The following SMURF2 variants were observed in gnomAD, a reference collection of about 807,000 sequenced individuals.
The protein encoded by SMURF2 is E3 ubiquitin-protein ligase SMURF2.
SMURF2 carries 48 observed loss-of-function variants against 109.6 expected under a neutral mutation model. That is an observed-to-expected ratio of 0.44 (90% CI 0.35 to 0.56). The LOEUF (loss-of-function observed/expected upper bound fraction) is 0.56. Ranked by LOEUF, SMURF2 falls within the 20% of genes least tolerant of loss-of-function variation. SMURF2 has a pLI of 0.01. For synonymous variants in SMURF2, 288 were observed against 317.1 expected, an observed-to-expected ratio of 0.91 and a Z score of 0.97; for missense variants, 575 against 909.0, an observed-to-expected ratio of 0.63 and a Z score of 4.72.
At chr17:64,588,258 A>G (rs1388483876) in intron 5 of SMURF2, among the ~76,000 whole-genome samples, 9 of 152,190 alleles carry the variant, frequency 5.9e-5, no homozygotes, top group African/African-American at 2.2e-4. Flanking sequence ...CAGCCTCCCA[A>G]TGTAGCTGGG....
chr17:64,563,380 A>G (rs1038206871), intron 10 of SMURF2, among the ~76,000 whole-genome samples: 1 of 152,210 alleles, frequency 6.6e-6, no homozygotes, highest in Non-Finnish European at 1.5e-5. Context: ...CCTTCTTTTT[A>G]TACACCAGGC....
At chr17:64,610,054 G>A (rs1437424435) in intron 1 of SMURF2, among the ~76,000 whole-genome samples, 1 of 152,096 alleles carries the variant, frequency 6.6e-6, no homozygotes, top group Non-Finnish European at 1.5e-5. Context: ...AAACCACAAT[G>A]AGATACCATC....
intron 1 of SMURF2, among the ~76,000 whole-genome samples, chr17:64,623,043 C>T (rs971244177): frequency 6.6e-6 from 1 of 152,058 alleles, no homozygotes; most frequent in East Asian, 1.9e-4. Flanking sequence ...TCCATTGGTT[C>T]GTGTGTTCCT....
At chr17:64,661,207 A>G (rs1201183360) in intron 1 of SMURF2, among the ~76,000 whole-genome samples, 1 of 152,108 alleles carries the variant, frequency 6.6e-6, no homozygotes, top group Non-Finnish European at 1.5e-5. Flanking sequence ...GTGTACAATG[A>G]GCCCAAGCCG....
chr17:64,644,310 T>G (rs1421404084), intron 1 of SMURF2, among the ~76,000 whole-genome samples: 8 of 151,974 alleles, frequency 5.3e-5, no homozygotes, highest in Admixed American at 4.6e-4. Context: ...AGCACCAAGC[T>G]TGGTGGCTCA....
At chr17:64,661,727 C>A in intron 1 of SMURF2, 102 bp downstream of exon 1, 1 of 809,632 alleles carries the variant, frequency 1.2e-6, no homozygotes, top group Non-Finnish European at 1.6e-6. Flanking sequence ...CGACCCCCAA[C>A]TCATCATTGA....
chr17:64,581,089 A>C lies in SMURF2; in HGVS notation c.570-98T>G. 1 of 1,063,280 alleles carries C rather than the reference A, an allele frequency of 9.4e-7. No individual in the cohort carries two copies. The highest frequency in any genetic ancestry group is 1.4e-6 in the Non-Finnish European group (1 of 720,008). 65.9% of individuals were successfully genotyped at this position (1,063,280 alleles called of 1,614,324 possible). Reference sequence around the variant, plus strand: ...TATACTGCAGTAACAACCACTTATCATGTCTGAAAACAGAATGACTAATAC... The same window carrying C: ...TATACTGCAGTAACAACCACTTATCCTGTCTGAAAACAGAATGACTAATAC... On this transcript the variant is annotated intron_variant, in intron 7 of 18. Transcript: ENST00000262435. The surrounding 1 kb of genome is among the most constrained non-coding windows in gnomAD (Gnocchi z 4.3).
intron 1 of SMURF2, among the ~76,000 whole-genome samples, chr17:64,631,091 CA>C (rs1456858143): frequency 6.6e-6 from 1 of 151,438 alleles, no homozygotes; most frequent in Non-Finnish European, 1.5e-5. Flanking sequence ...CACTTGAGTC[CA>C]GGAGTGCAAG....
intron 1 of SMURF2, among the ~76,000 whole-genome samples, chr17:64,661,379 C>T (rs1252271903): frequency 1.3e-5 from 2 of 152,100 alleles, no homozygotes; most frequent in African/African-American, 4.8e-5. Context: ...GGAACACACA[C>T]GCACACCCTC....
At chr17:64,546,973 C>T (rs945999276) in intron 17 of SMURF2, among the ~76,000 whole-genome samples, 2 of 151,716 alleles carry the variant, frequency 1.3e-5, no homozygotes, top group Non-Finnish European at 2.9e-5. Flanking sequence ...TGTCCTTATT[C>T]ATCACCAGCA....
chr17:64,657,392 C>T (rs1184167737), intron 1 of SMURF2, among the ~76,000 whole-genome samples: 13 of 151,884 alleles, frequency 8.6e-5, no homozygotes, highest in Non-Finnish European at 4.4e-5. Flanking sequence ...AAGACTCTCA[C>T]CAAAAAAGGC....
chr17:64,572,755 C>G (rs1168445142), intron 9 of SMURF2: 3 of 152,260 alleles, frequency 2.0e-5, no homozygotes, highest in Admixed American at 6.5e-5. Flanking sequence ...GCCCTCCCCC[C>G]ATACTGTGTC....
chr17:64,563,079 G>T, intron 10 of SMURF2, 113 bp from the exon 11 acceptor site: 1 of 971,670 alleles, frequency 1.0e-6, no homozygotes, highest in Non-Finnish European at 1.5e-6. Context: ...CATTTTCCAA[G>T]CCTTAGTAGA....
intron 1 of SMURF2, among the ~76,000 whole-genome samples, chr17:64,645,117 G>A (rs1238826260): frequency 6.6e-6 from 1 of 152,038 alleles, no homozygotes; most frequent in African/African-American, 2.4e-5. Context: ...TCAAAAACTT[G>A]GAGATACAAG....
In SMURF2 at chr17:64,548,509, TC is replaced by T. The variant is rs1968991911; in HGVS notation, c.1870-709del. On this transcript the variant is annotated intron_variant, in intron 16 of 18. Transcript: ENST00000262435. ...TTCAAGTGATTCTCCTGCCTTAGCCTCCCAAGTAGCTGGGATTACAGGCATG... is the reference window on the plus strand; with the variant it reads ...TTCAAGTGATTCTCCTGCCTTAGCCTCCAAGTAGCTGGGATTACAGGCATG... Among the ~76,000 whole-genome samples, 2 of 152,108 alleles carry T rather than the reference TC, an allele frequency of 1.3e-5. 1 individual carries two copies. Among genetic ancestry groups the T allele is most frequent in the Admixed American group, 1.3e-4 (2 of 15,272 alleles).
chr17:64,627,177 C>T (rs1217283370), intron 1 of SMURF2, among the ~76,000 whole-genome samples: 4 of 142,430 alleles, frequency 2.8e-5, no homozygotes, highest in Non-Finnish European at 6.0e-5. Flanking sequence ...TACAATGACA[C>T]AATCTTGGCT....
chr17:64,580,109 A>G (rs782576405), intron 8 of SMURF2, among the ~76,000 whole-genome samples: 1 of 152,226 alleles, frequency 6.6e-6, no homozygotes, highest in Non-Finnish European at 1.5e-5. Flanking sequence ...AAGAGGGCAA[A>G]GATGTAAGTA....
chr17:64,588,215 T>C (rs1969693358), intron 5 of SMURF2, among the ~76,000 whole-genome samples: 2 of 152,100 alleles, frequency 1.3e-5, no homozygotes, highest in Non-Finnish European at 2.9e-5. Flanking sequence ...AACGATACAT[T>C]AGACTTCCCA....
At chr17:64,660,634 A>G (rs1970762718) in intron 1 of SMURF2, 1 of 152,248 alleles carries the variant, frequency 6.6e-6, no homozygotes, top group Admixed American at 6.5e-5. Flanking sequence ...TAACTACAAA[A>G]TTAGTCCAAA....
Sources: gnomAD v4.1 joint callset for allele counts (sites outside exome capture counted in the v4.1 genomes callset) on GRCh38, gnomAD v4.1.1 for gene constraint, Gnocchi (gnomAD v3.1) non-coding constraint, MANE v1.5 for transcripts, NCBI Gene and HGNC (gene_info 2026-07-23, HGNC 2026-07-21) for gene names.